SAMD12: variants seen among roughly 807,000 people sequenced by gnomAD.
The protein encoded by SAMD12 is sterile alpha motif domain-containing protein 12.
Under a neutral mutation model 15.0 loss-of-function variants are expected in SAMD12, and 9 were observed. The observed-to-expected ratio is 0.60, with a 90% CI of 0.36 to 1.05. The LOEUF is 1.05. Among genes scored for constraint, SAMD12 ranks in the 50% least tolerant of loss-of-function variants. The pLI, the probability that SAMD12 is intolerant of heterozygous loss-of-function variation, is 0.01. For synonymous variants in SAMD12, 86 were observed against 90.1 expected (o/e 0.96, Z 0.25); for missense variants, 230 against 234.2 (o/e 0.98, Z 0.12).
intron 2 of SAMD12, among the ~76,000 whole-genome samples, chr8:118,564,243 G>T (rs1329631892): frequency 7.1e-6 from 1 of 141,730 alleles, no homozygotes; most frequent in Non-Finnish European, 1.5e-5. Flanking sequence ...ATACACTAAT[G>T]GCGCTGGTAA....
At chr8:118,305,240 G>A (rs1815279687) in intron 4 of SAMD12, among the ~76,000 whole-genome samples, 1 of 148,146 alleles carries the variant, frequency 6.8e-6, no homozygotes, top group African/African-American at 2.5e-5. Context: ...TCCCTTTTCA[G>A]GACTTTTTTA....
At chr8:118,492,122 C>T (rs2515048) in intron 2 of SAMD12, among the ~76,000 whole-genome samples, 33,777 of 132,050 alleles carry the variant, frequency 0.26, 4,552 homozygotes, top group East Asian at 0.36. Context: ...CTGGTGTTGC[C>T]TTTTTTTTTT....
intron 1 of SAMD12, among the ~76,000 whole-genome samples, chr8:118,595,372 T>A (rs1827698364): frequency 6.6e-6 from 1 of 152,176 alleles, no homozygotes; most frequent in South Asian, 2.1e-4. Context: ...CAAAAAAGGC[T>A]AAAGAATCCA....
At chr8:118,518,184 CACTGTAGAT>C in intron 2 of SAMD12, among the ~76,000 whole-genome samples, 1 of 152,226 alleles carries the variant, frequency 6.6e-6, no homozygotes, top group African/African-American at 2.4e-5. Flanking sequence ...ATATGCCTAC[CACTGTAGAT>C]GGGGGGCACT....
At chr8:118,328,596 C>G (rs1413433175) in intron 4 of SAMD12, among the ~76,000 whole-genome samples, 1 of 152,136 alleles carries the variant, frequency 6.6e-6, no homozygotes, top group Non-Finnish European at 1.5e-5. Context: ...TGATGAATGA[C>G]TGAAAGTGTC....
At chr8:118,454,924 A>G (rs1294007439) in intron 2 of SAMD12, among the ~76,000 whole-genome samples, 1 of 152,120 alleles carries the variant, frequency 6.6e-6, no homozygotes, top group African/African-American at 2.4e-5. Context: ...CACTCAGCCT[A>G]TTGTCCTAGA....
chr8:118,240,099 T>C (rs1288860399), intron 4 of SAMD12: 1 of 152,178 alleles, frequency 6.6e-6, no homozygotes, highest in African/African-American at 2.4e-5. Flanking sequence ...CTGTAGGGTA[T>C]CTTTATTTAT....
intron 4 of SAMD12, among the ~76,000 whole-genome samples, chr8:118,285,229 A>C (rs1231622754): frequency 6.6e-6 from 1 of 152,028 alleles, no homozygotes; most frequent in Non-Finnish European, 1.5e-5. Flanking sequence ...CTAACTCTGA[A>C]TGGTTTGTAA....
At chr8:118,429,005 C>T (rs1822318769) in intron 3 of SAMD12, among the ~76,000 whole-genome samples, 1 of 152,104 alleles carries the variant, frequency 6.6e-6, no homozygotes, top group African/African-American at 2.4e-5. Flanking sequence ...ATTGTGATTG[C>T]AGTGAATCTA....
At chr8:118,366,999 C>G (rs1379140983) in intron 4 of SAMD12, among the ~76,000 whole-genome samples, 5 of 151,722 alleles carry the variant, frequency 3.3e-5, no homozygotes, top group Non-Finnish European at 7.4e-5. Context: ...TTATTCTTGT[C>G]TGGGGCTCAA....
chr8:118,497,848 C>T (rs1824671101), intron 2 of SAMD12, among the ~76,000 whole-genome samples: 2 of 151,306 alleles, frequency 1.3e-5, no homozygotes, highest in South Asian at 4.2e-4. Context: ...AGTTTTCAGA[C>T]ATGTAAAAAT....
chr8:118,556,443 A>G (rs1826532282), intron 2 of SAMD12, among the ~76,000 whole-genome samples: 1 of 152,182 alleles, frequency 6.6e-6, no homozygotes, highest in African/African-American at 2.4e-5. Flanking sequence ...GAATCACAAT[A>G]TTTTAGACAT....
intron 2 of SAMD12, among the ~76,000 whole-genome samples, chr8:118,555,438 T>C (rs1826500285): frequency 6.6e-6 from 1 of 152,172 alleles, no homozygotes; most frequent in Non-Finnish European, 1.5e-5. Context: ...TCCTCTCCAT[T>C]TCCCCTACAA....
chr8:118,552,313 A>G (rs1433254991), intron 2 of SAMD12, among the ~76,000 whole-genome samples: 1 of 152,194 alleles, frequency 6.6e-6, no homozygotes, highest in Non-Finnish European at 1.5e-5. Flanking sequence ...GCAGCACATC[A>G]AAAAGCTTAT....
At chr8:118,329,122 A>G (rs563423450) in intron 4 of SAMD12, among the ~76,000 whole-genome samples, 1 of 149,844 alleles carries the variant, frequency 6.7e-6, no homozygotes, top group Non-Finnish European at 1.5e-5. Context: ...TTGGAAAAGT[A>G]AACAAAAAAA....
chr8:118,248,375 C>T (rs905865048), intron 4 of SAMD12, among the ~76,000 whole-genome samples: 6 of 152,114 alleles, frequency 3.9e-5, no homozygotes, highest in African/African-American at 9.7e-5. Context: ...CTCATACAAA[C>T]GTTGGCTCTG....
At chr8:118,410,381 G>A (rs977409686) in intron 3 of SAMD12, among the ~76,000 whole-genome samples, 13 of 152,134 alleles carry the variant, frequency 8.5e-5, no homozygotes, top group African/African-American at 2.7e-4. Context: ...TTGCATTAAT[G>A]GTCCATACAG....
At chr8:118,457,979 A>T (rs1823309163) in intron 2 of SAMD12, among the ~76,000 whole-genome samples, 1 of 152,228 alleles carries the variant, frequency 6.6e-6, no homozygotes, top group South Asian at 2.1e-4. Flanking sequence ...CTCACTGAGC[A>T]ATACTCACTT....
chr8:118,579,958 T>TA (rs1827245313), intron 2 of SAMD12, among the ~76,000 whole-genome samples: 1 of 152,304 alleles, frequency 6.6e-6, no homozygotes, highest in African/African-American at 2.4e-5. Context: ...CTGTCCTTAC[T>TA]AAAAAATTAC....
Sources: gnomAD v4.1 joint callset for allele counts (sites outside exome capture counted in the v4.1 genomes callset) on GRCh38, gnomAD v4.1.1 for gene constraint, MANE v1.5 for transcripts, NCBI Gene and HGNC (gene_info 2026-07-23, HGNC 2026-07-21) for gene names.